MYO9B: variants seen among roughly 807,000 people sequenced by gnomAD.
MYO9B encodes the protein unconventional myosin-IXb.
Under a neutral mutation model 229.5 loss-of-function variants are expected in MYO9B, and 71 were observed. That is an observed-to-expected ratio of 0.31 (90% CI 0.26 to 0.38). The LOEUF is 0.38. MYO9B is among the 10% of genes least tolerant of loss of function. MYO9B has a pLI of 1.00. For missense variants in MYO9B, 2,255 were observed against 2,920.5 expected (o/e 0.77, Z 5.25); for synonymous variants, 1,185 against 1,235.8 (o/e 0.96, Z 0.86).
rs541890530 is a variant in MYO9B, at chr19:17,130,268, C to T, written c.841-15129C>T. On this transcript the variant is annotated intron_variant, in intron 2 of 39. Transcript: ENST00000682292. ...GGTGAATCACTTGAGGACTGGAGTT[C>T]GAGACCAGCCTGGCCAACATAGCAA... 1.8e-3 allele frequency among the ~76,000 whole-genome samples: 273 copies of T among 151,378 alleles called. 2 individuals carry two copies. Among genetic ancestry groups the T allele is most frequent in the Non-Finnish European group, 3.1e-3 (207 of 67,846 alleles).
intron 14 of MYO9B, among the ~76,000 whole-genome samples, chr19:17,180,477 G>A (rs556716261): frequency 1.1e-4 from 16 of 147,718 alleles, no homozygotes; most frequent in South Asian, 8.8e-4. Flanking sequence ...AGCCTCCCAC[G>A]TAGCTGGGAT....
chr19:17,102,522 G>A lies in MYO9B; in HGVS notation c.805G>A (p.Glu269Lys), dbSNP rs1428437899. 6.2e-7 allele frequency: 1 copy of A among 1,608,542 alleles called. No individual in the cohort carries two copies. Among genetic ancestry groups the A allele is most frequent in the African/African-American group, 1.3e-5 (1 of 74,826 alleles). ...CCAGAAGGGCTACGCCAGCGGCGTC[G>A]AGAGGACCATCCTGGGTGCTGGCCC... ...LSQKGYASGV[E>K]RTILGAGPVL... Residue 269 changes from glutamate (E) to lysine (K), a missense_variant, in exon 2 of 40, where the codon GAG (glutamate) becomes AAG (lysine). Around this residue, in one of 7 missense-constraint regions of MYO9B, gnomAD observed 386 missense variants for 515.2 expected, o/e 0.75. Transcript: ENST00000682292.
At chr19:17,110,684 C>A (rs115982703) in intron 2 of MYO9B, among the ~76,000 whole-genome samples, 1,646 of 152,234 alleles carry the variant, frequency 0.011, 20 homozygotes, top group African/African-American at 0.037. Flanking sequence ...TCCCAAGGGT[C>A]CCTGGACTCC....
intron 10 of MYO9B, among the ~76,000 whole-genome samples, chr19:17,164,420 G>GC (rs2072637510): frequency 6.7e-6 from 1 of 149,222 alleles, no homozygotes; most frequent in Admixed American, 6.7e-5. Context: ...TGGCTCTGTT[G>GC]CCCAGGCTGG....
chr19:17,185,855 C>A, intron 17 of MYO9B, 66 bp from the exon 18 acceptor site: 1 of 1,325,260 alleles, frequency 7.5e-7, no homozygotes, highest in Non-Finnish European at 1.1e-6. Context: ...CCCAGGTCTG[C>A]TCCCACAGAA....
intron 7 of MYO9B, 145 bp downstream of exon 7, chr19:17,157,183 G>A (rs2145291825): frequency 1.9e-6 from 2 of 1,026,422 alleles, no homozygotes; most frequent in South Asian, 3.5e-5. Context: ...CATCTCTACA[G>A]TGTTCCTTCC....
chr19:17,130,975 T>C (rs1282235584), intron 2 of MYO9B, among the ~76,000 whole-genome samples: 1 of 152,146 alleles, frequency 6.6e-6, no homozygotes, highest in Non-Finnish European at 1.5e-5. Flanking sequence ...TGAGAGCTGA[T>C]CACCCTTGAT....
chr19:17,113,493 G>A (rs556073573), intron 2 of MYO9B, among the ~76,000 whole-genome samples: 8 of 152,286 alleles, frequency 5.3e-5, no homozygotes, highest in African/African-American at 1.9e-4. Flanking sequence ...CCATCCGAAA[G>A]GCTAAACAGC....
rs200913002 is a variant in MYO9B at position 17,212,141 on chromosome 19, G to A, written c.6305G>A (p.Arg2102His). Residue 2102 changes from arginine to histidine, a missense_variant, in exon 40 of 40, where the codon CGC (arginine) becomes CAC (histidine). Coordinates refer to ENST00000682292, the MANE Select transcript of MYO9B (RefSeq NM_004145.4). The surrounding 1 kb of genome is among the most constrained non-coding windows in gnomAD (Gnocchi z 5.4). ...GTGCGGCGCCGGGAGCCACCTGCCC[G>A]CCGCCCGGACCAGATACATTCCGTG... The part of the protein sequence containing the change: ...APVRRREPPA[R>H]RPDQIHSVYI... The A allele has an allele frequency of 3.0e-4, 472 of 1,586,818 alleles. No individual in the cohort carries two copies. The highest frequency in any genetic ancestry group is 6.2e-5 in the Non-Finnish European group (72 of 1,167,830).
intron 10 of MYO9B, among the ~76,000 whole-genome samples, chr19:17,167,460 T>C (rs914102328): frequency 6.7e-6 from 1 of 149,094 alleles, no homozygotes; most frequent in Non-Finnish European, 1.5e-5. Flanking sequence ...AAATTAAGTG[T>C]ATTATTAGAG....
intron 10 of MYO9B, among the ~76,000 whole-genome samples, chr19:17,163,789 A>G (rs1568280769): frequency 6.6e-6 from 1 of 152,198 alleles, no homozygotes; most frequent in Non-Finnish European, 1.5e-5. Context: ...GTTCATCCAC[A>G]TAGTAGCATG....
intron 1 of MYO9B, among the ~76,000 whole-genome samples, chr19:17,090,496 C>T (rs778924101): frequency 6.6e-6 from 1 of 152,142 alleles, no homozygotes; most frequent in Non-Finnish European, 1.5e-5. Context: ...GATGAATGGG[C>T]CACGTTGTGT....
chr19:17,136,828 A>G (rs535566463), intron 2 of MYO9B, among the ~76,000 whole-genome samples: 3 of 152,300 alleles, frequency 2.0e-5, no homozygotes, highest in Admixed American at 1.3e-4. Context: ...CCAGTGGCTC[A>G]CACCTGTAAT....
intron 24 of MYO9B, among the ~76,000 whole-genome samples, chr19:17,199,172 C>T (rs2073079026): frequency 6.6e-6 from 1 of 152,040 alleles, no homozygotes; most frequent in Non-Finnish European, 1.5e-5. Flanking sequence ...CACTGCACTC[C>T]AGCCTGGGCA....
intron 10 of MYO9B, among the ~76,000 whole-genome samples, chr19:17,167,665 G>T (rs190712435): frequency 6.6e-6 from 1 of 152,058 alleles, no homozygotes; most frequent in African/African-American, 2.4e-5. Context: ...CTTTAGTAGA[G>T]ATGGGATTTT....
At chr19:17,192,567 C>A (rs1038699491) in intron 20 of MYO9B, among the ~76,000 whole-genome samples, 179 bp from the exon 21 acceptor site, 1 of 151,876 alleles carries the variant, frequency 6.6e-6, no homozygotes, top group African/African-American at 2.4e-5. Context: ...TGCACTCCAG[C>A]CTGGGCGACA....
intron 38 of MYO9B, 100 bp downstream of exon 38, chr19:17,210,948 C>A: frequency 2.3e-6 from 3 of 1,290,048 alleles, no homozygotes; most frequent in African/African-American, 1.5e-5. Flanking sequence ...AGGTTTGGTC[C>A]TGTCATCCCT....
intron 2 of MYO9B, among the ~76,000 whole-genome samples, chr19:17,130,803 C>G (rs893574892): frequency 6.6e-6 from 1 of 151,812 alleles, no homozygotes; most frequent in Non-Finnish European, 1.5e-5. Context: ...GAATTTTTGC[C>G]TACATAGGAC....
chr19:17,210,437 G>C, intron 37 of MYO9B, 57 bp downstream of exon 37: 1 of 1,505,302 alleles, frequency 6.6e-7, no homozygotes, highest in South Asian at 1.3e-5. Flanking sequence ...TGCATGCTGG[G>C]GTTCCCTGGG....
Sources: allele counts gnomAD v4.1 joint callset (sites outside exome capture counted in the v4.1 genomes callset), GRCh38; gene constraint gnomAD v4.1.1; regional missense constraint gnomAD v4.1.1; non-coding constraint Gnocchi (gnomAD v3.1); transcripts MANE v1.5; gene names NCBI Gene and HGNC (gene_info 2026-07-23, HGNC 2026-07-21).